The following OSBP variants were observed in gnomAD, a reference collection of about 807,000 sequenced individuals.
The protein encoded by OSBP is oxysterol binding protein.
A neutral mutation model predicts 96.6 loss-of-function variants in OSBP; 32 were observed. That is an observed-to-expected ratio of 0.33 (90% CI 0.25 to 0.45). The LOEUF (loss-of-function observed/expected upper bound fraction) is 0.45. OSBP is among the 20% of genes least tolerant of loss of function. OSBP has a pLI of 1.00. For synonymous variants in OSBP, 369 were observed against 389.6 expected (o/e 0.95, Z 0.62); for missense variants, 653 against 1,029.7 (o/e 0.63, Z 5.01).
rs1199640257 is a variant in OSBP, at chr11:59,601,852, G to A, written c.823-14C>T. 6.2e-7 allele frequency: 1 copy of A among 1,612,170 alleles called. No individual in the cohort carries two copies. Among genetic ancestry groups the A allele is most frequent in the Admixed American group, 1.7e-5 (1 of 59,942 alleles). ...ATCTCTGCAGGCCTGTATGGAGAAA[G>A]CGTTGACTGTGTCAGCTCAACTAGT... On this transcript the variant is annotated splice_polypyrimidine_tract_variant and intron_variant, in intron 3 of 13. Coordinates refer to ENST00000263847, the MANE Select transcript of OSBP (RefSeq NM_002556.3).
At chr11:59,603,493 A>G (rs752054739) in intron 3 of OSBP, among the ~76,000 whole-genome samples, 4 of 151,940 alleles carry the variant, frequency 2.6e-5, no homozygotes, top group Non-Finnish European at 5.9e-5. Context: ...AGTAACTTCA[A>G]AATTAATGCA....
intron 13 of OSBP, 37 bp from the exon 14 acceptor site, chr11:59,576,756 T>C: frequency 6.2e-7 from 1 of 1,612,518 alleles, no homozygotes; most frequent in Non-Finnish European, 8.5e-7. Context: ...AAATTAGTGC[T>C]GGCATTCTCC....
In OSBP at chr11:59,615,613, C is replaced by T. The variant is rs1475957711; in HGVS notation, c.52G>A (p.Ala18Thr). 5 of 1,380,084 alleles carry T rather than the reference C, an allele frequency of 3.6e-6. No homozygotes were observed. Among genetic ancestry groups the T allele is most frequent in the African/African-American group, 1.5e-5 (1 of 66,292 alleles). 85.5% of individuals were successfully genotyped at this position (1,380,084 alleles called of 1,614,324 possible). A position where few individuals can be genotyped will look rare whatever the true frequency, so the allele number is the denominator to read the frequency against. ...GVVGPGPAAI[A>T]ALGGGGAGPP... Reference sequence around the variant, plus strand: ...CCGGCGCCGCCGCCGCCAAGTGCTGCAATGGCTGCCGGGCCTGGCCCCACC... The same window carrying T: ...CCGGCGCCGCCGCCGCCAAGTGCTGTAATGGCTGCCGGGCCTGGCCCCACC... Residue 18 changes from alanine (A) to threonine (T), a missense_variant, in exon 1 of 14, where the codon GCA becomes ACA. Coordinates refer to ENST00000263847, the MANE Select transcript of OSBP (RefSeq NM_002556.3).
In OSBP at chr11:59,576,984, A is replaced by C; in HGVS notation, c.2102T>G (p.Leu701Arg). 6.2e-7 allele frequency: 1 copy of C among 1,614,210 alleles called. No individual in the cohort carries two copies. Among genetic ancestry groups the C allele is most frequent in the Non-Finnish European group, 8.5e-7 (1 of 1,180,036 alleles). ...GCCACTTTCCCAAGCATTGAGAGTC[A>C]GAGCAAGCTCTGAGAAGTAGTACAT... ...ENMYYFSELA[L>R]TLNAWESGTA... is the part of the protein sequence containing the mutation. The change falls in exon 13 of 14, where the codon CTG becomes CGG. Residue 701 changes from leucine to arginine, a missense_variant. Coordinates refer to ENST00000263847, the MANE Select transcript of OSBP (RefSeq NM_002556.3).
rs533480409 is a variant in OSBP at position 59,582,413 on chromosome 11, T to C, written c.1679-859A>G. 5.3e-5 allele frequency among the ~76,000 whole-genome samples: 8 copies of C among 152,276 alleles called. No homozygotes were observed. The South Asian group carries it at 1.0e-3, about 20-fold the overall frequency. ...TCAGTGGAGTTTCCTGGTTGGTGAA[T>C]AGATCAGTGTGCCAGGAGGGTGATG... On this transcript the variant is annotated intron_variant, in intron 9 of 13. Coordinates refer to ENST00000263847, the MANE Select transcript of OSBP (RefSeq NM_002556.3).
chr11:59,579,513 C>T (rs1565113498), intron 11 of OSBP, among the ~76,000 whole-genome samples: 2 of 150,886 alleles, frequency 1.3e-5, no homozygotes, highest in African/African-American at 2.4e-5. Context: ...TTGTATTTTT[C>T]GTGGAGACAG....
rs1167421043 is a variant in OSBP at position 59,593,669 on chromosome 11, G to A, written c.1613C>T (p.Thr538Ile). Residue 538 changes from threonine (T) to isoleucine (I), a missense_variant, in exon 9 of 14, where the codon ACA (threonine) becomes ATA (isoleucine). Transcript: ENST00000263847. ...GGTGATTTTGATTTCCTGACGCAAT[G>A]TCCAGCCATTTTTGGACTCAGCATG... is the stretch of plus-strand genomic sequence containing the variant. The part of the protein sequence containing the change: ...AHHAESKNGW[T>I]LRQEIKITSK... 1.9e-6 allele frequency: 3 copies of A among 1,613,938 alleles called. No individual in the cohort carries two copies. The highest frequency in any genetic ancestry group is 8.5e-7 in the Non-Finnish European group (1 of 1,179,930).
Position 59,581,451 on chromosome 11 carries a change from C to T in OSBP, c.1782G>A (p.Gln594=), listed in dbSNP as rs769538125. Residue 594 remains glutamine, a splice_region_variant and synonymous_variant, in exon 10 of 14, where the codon CAG becomes CAA. Coordinates refer to ENST00000263847, the MANE Select transcript of OSBP (RefSeq NM_002556.3). ...ACACACTTTGGGTACCTTTCCTCAC[C>T]TGATCTATCCACAACTTGCCCACAA... The part of the protein sequence containing the change: ...NIIVGKLWID[Q]SGEIDIVNHK... 1 of 1,585,288 alleles carries T rather than the reference C, an allele frequency of 6.3e-7. No individual in the cohort carries two copies.
At chr11:59,610,697 A>G in intron 1 of OSBP, 108 bp from the exon 2 acceptor site, 1 of 877,180 alleles carries the variant, frequency 1.1e-6, no homozygotes, top group Non-Finnish European at 1.8e-6. Flanking sequence ...TGACAGTCTT[A>G]GGAATCAGCA....
intron 5 of OSBP, among the ~76,000 whole-genome samples, 178 bp downstream of exon 5, chr11:59,601,105 G>C (rs1331071729): frequency 4.0e-4 from 33 of 81,550 alleles, no homozygotes; most frequent in Non-Finnish European, 6.6e-4. Flanking sequence ...TCTACAAAGA[G>C]ATCTTGAGAC....
chr11:59,580,358 T>G, intron 10 of OSBP, 89 bp from the exon 11 acceptor site: 1 of 834,180 alleles, frequency 1.2e-6, no homozygotes, highest in South Asian at 1.4e-5. Context: ...CTTTTCAATC[T>G]TACATTCTAG....
chr11:59,598,006 G>A (rs935678273), intron 7 of OSBP, among the ~76,000 whole-genome samples: 7 of 151,930 alleles, frequency 4.6e-5, no homozygotes, highest in Admixed American at 2.0e-4. Flanking sequence ...GTGCCCAGCC[G>A]AATTTTTTAT....
At chr11:59,607,717 T>C (rs775654013) in intron 3 of OSBP, among the ~76,000 whole-genome samples, 30 of 152,212 alleles carry the variant, frequency 2.0e-4, no homozygotes, top group Non-Finnish European at 3.8e-4. Context: ...GTTTAAACCA[T>C]GTATTCACTT....
At chr11:59,590,328 T>C (rs1324226682) in intron 9 of OSBP, among the ~76,000 whole-genome samples, 1 of 152,224 alleles carries the variant, frequency 6.6e-6, no homozygotes, top group African/African-American at 2.4e-5. Context: ...CTTTTTGCAC[T>C]GTAATTGTAA....
At chr11:59,591,249 A>G (rs1434597867) in intron 9 of OSBP, among the ~76,000 whole-genome samples, 1 of 152,234 alleles carries the variant, frequency 6.6e-6, no homozygotes, top group Non-Finnish European at 1.5e-5. Flanking sequence ...AAAAAATTAG[A>G]TCCACCATCT....
chr11:59,603,895 C>G (rs1315028272), intron 3 of OSBP, among the ~76,000 whole-genome samples: 1 of 152,144 alleles, frequency 6.6e-6, no homozygotes, highest in East Asian at 1.9e-4. Context: ...CCCAGTTGTC[C>G]AAGCCAGAAA....
At chr11:59,587,101 A>G (rs1251753716) in intron 9 of OSBP, among the ~76,000 whole-genome samples, 8 of 152,214 alleles carry the variant, frequency 5.3e-5, no homozygotes, top group Non-Finnish European at 1.0e-4. Flanking sequence ...TAGAAATTGG[A>G]GAAAATATTT....
At chr11:59,588,459 C>G (rs1860530266) in intron 9 of OSBP, among the ~76,000 whole-genome samples, 1 of 151,266 alleles carries the variant, frequency 6.6e-6, no homozygotes, top group African/African-American at 2.4e-5. Context: ...TCGCTTGAAC[C>G]TGGGAGGTGG....
At chr11:59,613,030 T>A (rs927829564) in intron 1 of OSBP, among the ~76,000 whole-genome samples, 2 of 152,202 alleles carry the variant, frequency 1.3e-5, no homozygotes, top group Non-Finnish European at 2.9e-5. Flanking sequence ...TATAAGAAAC[T>A]GCAGGTTTTG....
Sources: gnomAD v4.1 joint callset for allele counts (sites outside exome capture counted in the v4.1 genomes callset) on GRCh38, gnomAD v4.1.1 for gene constraint, MANE v1.5 for transcripts, NCBI Gene and HGNC (gene_info 2026-07-23, HGNC 2026-07-21) for gene names.